Variants in SLC17A1 observed in about 807,000 individuals in gnomAD.
SLC17A1 encodes solute carrier family 17 member 1.
SLC17A1 carries 51 observed loss-of-function variants against 53.5 expected under a neutral mutation model. The ratio of observed to expected loss-of-function variants is 0.95; its 90% CI spans 0.76 to 1.20. SLC17A1 has a LOEUF of 1.20. Among genes scored for constraint, SLC17A1 ranks in the 50% most tolerant of loss-of-function variants. SLC17A1 has a pLI of 0.00. For missense variants in SLC17A1, 538 were observed against 568.2 expected, an observed-to-expected ratio of 0.95 and a Z score of 0.54; for synonymous variants, 179 against 198.8, an observed-to-expected ratio of 0.90 and a Z score of 0.84.
chr6:25,826,639 A>G lies in SLC17A1; in HGVS notation c.35-6T>C. On this transcript the variant is annotated splice_region_variant and splice_polypyrimidine_tract_variant and intron_variant, in intron 2 of 12. Coordinates refer to ENST00000244527, the MANE Select transcript of SLC17A1 (RefSeq NM_005074.5). Reference sequence around the variant, plus strand: ...AAAGGAACAGAAACCTGGAACTACAAAGTAAAACAGAAAGTCGCAATTGCT... The same window carrying G: ...AAAGGAACAGAAACCTGGAACTACAGAGTAAAACAGAAAGTCGCAATTGCT... The G allele has an allele frequency of 6.4e-7, 1 of 1,552,610 alleles. No individual in the cohort carries two copies. Among genetic ancestry groups the G allele is most frequent in the South Asian group, 1.2e-5 (1 of 82,008 alleles).
intron 12 of SLC17A1, among the ~76,000 whole-genome samples, chr6:25,796,795 G>T (rs1222936643): frequency 3.3e-5 from 5 of 152,094 alleles, no homozygotes; most frequent in Non-Finnish European, 7.4e-5. Flanking sequence ...CATATCATCT[G>T]CTCATAATGA....
At chr6:25,768,305 A>G in the SLC17A1 span, 1 of 906,918 alleles carries the variant, frequency 1.1e-6, no homozygotes, top group East Asian at 1.2e-4. Context: ...ATACCTTGTG[A>G]TCATACATTA....
rs1581477300 is a variant in SLC17A1 at position 25,811,758 on chromosome 6, A to G, written c.910T>C (p.Ser304Pro). Residue 304 changes from serine (S) to proline (P), a missense_variant, in exon 9 of 13, where the codon TCT (serine) becomes CCT (proline). Transcript: ENST00000244527. ...CAGGCAAACAAATAGGGAAGGGAAG[A>G]CAAGAACCCATTCTGAAGAGGAAAC... Reference protein sequence around the residue: ...HVNIKENGFLSSLPYLFAWIC... With the variant: ...HVNIKENGFLPSLPYLFAWIC... The G allele has an allele frequency of 2.5e-6, 4 of 1,613,720 alleles. No individual in the cohort carries two copies. The highest frequency in any genetic ancestry group is 3.4e-6 in the Non-Finnish European group (4 of 1,179,696).
At chr6:25,794,204 G>A (rs577613971) in intron 12 of SLC17A1, among the ~76,000 whole-genome samples, 113 of 152,278 alleles carry the variant, frequency 7.4e-4, no homozygotes, top group Middle Eastern at 3.4e-3. Flanking sequence ...TCTATAAACA[G>A]TGAACTCTCC....
intron 12 of SLC17A1, among the ~76,000 whole-genome samples, chr6:25,789,531 G>C (rs1176875404): frequency 1.3e-5 from 2 of 152,094 alleles, no homozygotes; most frequent in Non-Finnish European, 2.9e-5. Flanking sequence ...AAACCTGATA[G>C]GCCCCACCTT....
At chr6:25,813,040 A>T in intron 7 of SLC17A1, 48 bp from the exon 8 acceptor site, 1 of 1,610,780 alleles carries the variant, frequency 6.2e-7, no homozygotes, top group East Asian at 2.2e-5. Flanking sequence ...AAACTGGAAC[A>T]TGTTTAGTTT....
At chr6:25,815,673 C>A (rs1416423747) in intron 6 of SLC17A1, among the ~76,000 whole-genome samples, 1 of 152,144 alleles carries the variant, frequency 6.6e-6, no homozygotes, top group African/African-American at 2.4e-5. Flanking sequence ...AATTTGCAGA[C>A]CAAATTGCCA....
intron 12 of SLC17A1, among the ~76,000 whole-genome samples, chr6:25,791,203 T>C (rs757261435): frequency 1.4e-4 from 21 of 152,240 alleles, no homozygotes; most frequent in Admixed American, 6.5e-4. Flanking sequence ...TTTCTCCCCA[T>C]TGGATTTATT....
At chr6:25,802,562 G>A (rs1487710288) in intron 10 of SLC17A1, among the ~76,000 whole-genome samples, 1 of 152,150 alleles carries the variant, frequency 6.6e-6, no homozygotes, top group Non-Finnish European at 1.5e-5. Context: ...GTCTATGGCT[G>A]CTGAATTCTC....
intron 10 of SLC17A1, among the ~76,000 whole-genome samples, chr6:25,806,603 T>C (rs1369228071): frequency 6.6e-6 from 1 of 151,930 alleles, no homozygotes; most frequent in African/African-American, 2.4e-5. Flanking sequence ...AAAACTCTTC[T>C]GGACATTGGC....
At chr6:25,770,442 G>A in the SLC17A1 span, 6 of 1,613,940 alleles carry the variant, frequency 3.7e-6, no homozygotes, top group Non-Finnish European at 4.2e-6. Context: ...CCACTGGAAA[G>A]GAGTCAACTC....
At chr6:25,802,029 C>T (rs1245749097) in intron 10 of SLC17A1, among the ~76,000 whole-genome samples, 3 of 152,122 alleles carry the variant, frequency 2.0e-5, no homozygotes, top group Non-Finnish European at 4.4e-5. Context: ...TTCATTTCAG[C>T]AATAGAACCC....
At chr6:25,726,873 A>G in the SLC17A1 span, 1 of 1,577,696 alleles carries the variant, frequency 6.3e-7, no homozygotes. Context: ...AACCCTGGAA[A>G]AGAACCGTGT....
intron 8 of SLC17A1, among the ~76,000 whole-genome samples, chr6:25,812,530 G>T (rs191690121): frequency 6.6e-6 from 1 of 152,316 alleles, no homozygotes; most frequent in Non-Finnish European, 1.5e-5. Context: ...TGCAGGGAAT[G>T]GTGGTGTTGA....
At chr6:25,805,793 AT>A (rs1181124036) in intron 10 of SLC17A1, among the ~76,000 whole-genome samples, 1 of 152,120 alleles carries the variant, frequency 6.6e-6, no homozygotes, top group African/African-American at 2.4e-5. Context: ...TCCTGGAAAC[AT>A]ACAACCCTTC....
chr6:25,776,411 C>G, the SLC17A1 span, among the ~76,000 whole-genome samples: 1 of 148,870 alleles, frequency 6.7e-6, no homozygotes, highest in Non-Finnish European at 1.5e-5. Context: ...TTTTTTTTTG[C>G]AAGCAGAGCT....
At chr6:25,763,829 C>A in the SLC17A1 span, among the ~76,000 whole-genome samples, 2 of 152,210 alleles carry the variant, frequency 1.3e-5, no homozygotes, top group African/African-American at 4.8e-5. Flanking sequence ...TCACTTTGAC[C>A]TTCTGATCCC....
At chr6:25,810,101 T>C (rs1269085477) in intron 10 of SLC17A1, among the ~76,000 whole-genome samples, 3 of 151,996 alleles carry the variant, frequency 2.0e-5, no homozygotes, top group Non-Finnish European at 4.4e-5. Flanking sequence ...GTGCCTTATA[T>C]AAAAATCAAC....
the SLC17A1 span, chr6:25,776,542 T>C: frequency 1.3e-6 from 2 of 1,544,084 alleles, no homozygotes; most frequent in South Asian, 2.6e-5. Flanking sequence ...GTTGTCTGTG[T>C]CGTGGTGGGG....
Sources: allele counts gnomAD v4.1 joint callset (sites outside exome capture counted in the v4.1 genomes callset), GRCh38; gene constraint gnomAD v4.1.1; transcripts MANE v1.5; gene names NCBI Gene and HGNC (gene_info 2026-07-23, HGNC 2026-07-21).